The following CHD9 variants were observed in gnomAD, a reference collection of about 807,000 sequenced individuals.
The protein encoded by CHD9 is ATP-dependent chromatin remodeler CHD9.
In CHD9, 77 loss-of-function variants were observed where a neutral mutation model predicts 316.1. The ratio of observed to expected loss-of-function variants is 0.24; its 90% CI spans 0.20 to 0.29. The LOEUF is 0.29. Ranked by LOEUF, CHD9 falls within the 10% of genes least tolerant of loss-of-function variation. The pLI is 1.00. For missense variants in CHD9, 2,763 were observed against 3,438.1 expected (o/e 0.80, Z 4.91); for synonymous variants, 1,129 against 1,158.3 (o/e 0.97, Z 0.51).
intron 38 of CHD9, among the ~76,000 whole-genome samples, chr16:53,322,362 C>T (rs1353432701): frequency 6.6e-6 from 1 of 151,424 alleles, no homozygotes; most frequent in Non-Finnish European, 1.5e-5. Context: ...AATCCCAGCA[C>T]CTTGGGAGGC....
chr16:53,085,238 T>A lies in CHD9; in HGVS notation c.-165+30161T>A, dbSNP rs573750154. ...GCTGCCTTTGATCATCTTTTTTTTT[T>A]TTTTTTTTTTTATTTTTTTTAGAGA... On this transcript the variant is annotated intron_variant, in intron 1 of 38. Coordinates refer to ENST00000447540, the MANE Select transcript of CHD9 (RefSeq NM_001308319.2). Among the ~76,000 whole-genome samples, 708 of 151,844 alleles carry A rather than the reference T, an allele frequency of 4.7e-3. 2 individuals are homozygous for A. The highest frequency in any genetic ancestry group is 7.3e-3 in the Non-Finnish European group (494 of 67,938).
At chr16:53,063,413 G>A (rs1272924557) in intron 1 of CHD9, among the ~76,000 whole-genome samples, 1 of 146,878 alleles carries the variant, frequency 6.8e-6, no homozygotes, top group Non-Finnish European at 1.5e-5. Flanking sequence ...AAATGTGAAG[G>A]TGATATTTGA....
chr16:53,298,717 G>C (rs2055056506), intron 30 of CHD9: 1 of 152,972 alleles, frequency 6.5e-6, no homozygotes, highest in Admixed American at 6.5e-5. Flanking sequence ...ACTACACATG[G>C]ACTGAGTTTG....
At chr16:53,168,888 C>A (rs1040790467) in intron 2 of CHD9, 1 of 152,128 alleles carries the variant, frequency 6.6e-6, no homozygotes, top group African/African-American at 2.4e-5. Flanking sequence ...AGGCGTGGGC[C>A]ACCACGCCTG....
intron 24 of CHD9, 117 bp downstream of exon 24, chr16:53,274,419 CA>C: frequency 2.0e-6 from 1 of 510,532 alleles, no homozygotes; most frequent in Non-Finnish European, 3.5e-6. Context: ...GCACTGTAGG[CA>C]CACCACCACA....
intron 27 of CHD9, among the ~76,000 whole-genome samples, chr16:53,288,216 G>A (rs2054044362): frequency 6.6e-6 from 1 of 152,202 alleles, no homozygotes; most frequent in Non-Finnish European, 1.5e-5. Context: ...TTTTAGACAA[G>A]ATGGGGGCTG....
In CHD9 at chr16:53,314,449, G is replaced by A. The variant is rs772361159; in HGVS notation, c.7295G>A (p.Arg2432Gln). ...LDNQPIVKKR[R>Q]GRRKNVEGVD... is the part of the protein sequence containing the mutation. The stretch of plus-strand genomic sequence containing the variant: ...AACCAGCCTATAGTCAAAAAAAGGC[G>A]AGGAAGGAGGAAGAATGTAGAAGGT... The change falls in exon 35 of 39, where the codon CGA becomes CAA. Residue 2432 changes from arginine (R) to glutamine (Q), a missense_variant. Physicochemically the swap from Arg to Gln is conservative, Grantham distance 43 (BLOSUM62 1). Around this residue, in one of 15 missense-constraint regions of CHD9, gnomAD observed 663 missense variants for 751.2 expected, o/e 0.88. Coordinates refer to ENST00000447540, the MANE Select transcript of CHD9 (RefSeq NM_001308319.2). The A allele has an allele frequency of 5.7e-5, 90 of 1,585,514 alleles. 1 individual carries two copies. The highest frequency in any genetic ancestry group is 7.4e-5 in the Non-Finnish European group (86 of 1,164,368).
intron 24 of CHD9, among the ~76,000 whole-genome samples, chr16:53,279,108 C>T (rs1281702411): frequency 6.6e-6 from 1 of 152,144 alleles, no homozygotes; most frequent in Non-Finnish European, 1.5e-5. Context: ...TGGAACCAAC[C>T]CAAATGTCCA....
intron 1 of CHD9, among the ~76,000 whole-genome samples, chr16:53,147,461 A>AT (rs1408313993): frequency 1.3e-5 from 2 of 152,112 alleles, no homozygotes; most frequent in Non-Finnish European, 2.9e-5. Flanking sequence ...ACATGTTGCC[A>AT]TTTTTTTATC....
intron 1 of CHD9, among the ~76,000 whole-genome samples, chr16:53,146,415 G>GTGTATATA (rs1224485632): frequency 0.35 from 22,488 of 64,254 alleles, 3,286 homozygotes; most frequent in Middle Eastern, 0.42. Context: ...GTGTGTGTGT[G>GTGTATATA]TATGTATATA....
chr16:53,121,695 G>A (rs1183885722), intron 1 of CHD9: 1 of 211,746 alleles, frequency 4.7e-6, no homozygotes. Flanking sequence ...TGATCTTTGA[G>A]GTACTTTAAG....
In CHD9 at chr16:53,246,034, C is replaced by T. The variant is rs1268168195; in HGVS notation, c.3454+184C>T. 3.9e-5 allele frequency among the ~76,000 whole-genome samples: 6 copies of T among 152,192 alleles called. No homozygotes were observed. The South Asian group carries it at 1.0e-3, about 26-fold the overall frequency. ...TTTGTTACAGTGACTGATGTTAACACACCAGGTTATGACAGCAGCAGTTTG... is the reference window on the plus strand; with the variant it reads ...TTTGTTACAGTGACTGATGTTAACATACCAGGTTATGACAGCAGCAGTTTG... On this transcript the variant is annotated intron_variant, in intron 15 of 38. Coordinates refer to ENST00000447540, the MANE Select transcript of CHD9 (RefSeq NM_001308319.2).
At chr16:53,234,814 A>T (rs1259369293) in intron 10 of CHD9, among the ~76,000 whole-genome samples, 1 of 69,180 alleles carries the variant, frequency 1.4e-5, no homozygotes, top group East Asian at 3.6e-4. Context: ...ATTCCTGGTT[A>T]AAAAAAAAAA....
At chr16:53,158,827 T>G (rs942130044) in intron 2 of CHD9, among the ~76,000 whole-genome samples, 3 of 152,016 alleles carry the variant, frequency 2.0e-5, no homozygotes, top group Admixed American at 6.6e-5. Flanking sequence ...TGTAAAGATG[T>G]GATCTTGCCA....
intron 2 of CHD9, among the ~76,000 whole-genome samples, chr16:53,179,321 ATT>A (rs5816889): frequency 1.3e-5 from 2 of 151,366 alleles, no homozygotes; most frequent in Admixed American, 1.3e-4. Flanking sequence ...CCAGCAGTTA[ATT>A]TTTTTTTATC....
At chr16:53,061,311 T>G (rs1440143396) in intron 1 of CHD9, among the ~76,000 whole-genome samples, 1 of 152,180 alleles carries the variant, frequency 6.6e-6, no homozygotes, top group Non-Finnish European at 1.5e-5. Flanking sequence ...GATTTGAGTC[T>G]TTACCTGACC....
At chr16:53,175,989 A>T (rs930072001) in intron 2 of CHD9, among the ~76,000 whole-genome samples, 1 of 152,200 alleles carries the variant, frequency 6.6e-6, no homozygotes, top group African/African-American at 2.4e-5. Context: ...GAATATGGGG[A>T]TATTGAAGCT....
At chr16:53,258,389 A>G (rs1028215910) in intron 19 of CHD9, among the ~76,000 whole-genome samples, 6 of 152,164 alleles carry the variant, frequency 3.9e-5, no homozygotes, top group African/African-American at 1.2e-4. Context: ...TTGAAAACTG[A>G]TAAGGTACCA....
At chr16:53,104,639 C>G (rs556185455) in intron 1 of CHD9, among the ~76,000 whole-genome samples, 2 of 151,918 alleles carry the variant, frequency 1.3e-5, no homozygotes, top group African/African-American at 2.4e-5. Context: ...GGTGAAACCC[C>G]ATCTCTACTA....
Sources: allele counts gnomAD v4.1 joint callset (sites outside exome capture counted in the v4.1 genomes callset), GRCh38; gene constraint gnomAD v4.1.1; regional missense constraint gnomAD v4.1.1; transcripts MANE v1.5; gene names NCBI Gene and HGNC (gene_info 2026-07-23, HGNC 2026-07-21).